The following SPATA13 variants were observed in gnomAD, a reference collection of about 807,000 sequenced individuals.
The protein encoded by SPATA13 is spermatogenesis associated 13, also known as spermatogenesis-associated protein 13.
A neutral mutation model predicts 104.0 loss-of-function variants in SPATA13; 50 were observed. The observed-to-expected ratio is 0.48, with a 90% CI of 0.38 to 0.61. The LOEUF (loss-of-function observed/expected upper bound fraction) is 0.61. Among genes scored for constraint, SPATA13 ranks in the 20% least tolerant of loss-of-function variants. The pLI, the probability that SPATA13 is intolerant of heterozygous loss-of-function variation, is 0.00. For missense variants in SPATA13, 1,524 were observed against 1,690.6 expected, an observed-to-expected ratio of 0.90 and a Z score of 1.73; for synonymous variants, 606 against 667.5, an observed-to-expected ratio of 0.91 and a Z score of 1.42.
chr13:24,271,391 G>A lies in SPATA13; in HGVS notation c.2165-12744G>A, dbSNP rs1360102028. The stretch of plus-strand genomic sequence containing the variant: ...AGAATGTTTCTTGCTAATTGAGGAT[G>A]TGTGAGGTTTAAGGCTGTGAGCTGA... On this transcript the variant is annotated intron_variant, in intron 4 of 12. Coordinates refer to ENST00000382108, the MANE Select transcript of SPATA13 (RefSeq NM_001166271.3). Among the ~76,000 whole-genome samples the A allele has an allele frequency of 8.5e-5, 13 of 152,102 alleles. 1 individual carries two copies. Among genetic ancestry groups the A allele is most frequent in the Non-Finnish European group, 4.4e-5 (3 of 68,030 alleles).
rs759116034 is a variant in SPATA13, at chr13:24,286,500, C to G, written c.2481+107C>G. The G allele has an allele frequency of 2.2e-5, 26 of 1,209,024 alleles. No individual in the cohort carries two copies. The highest frequency in any genetic ancestry group is 2.7e-5 in the Non-Finnish European group (24 of 875,756). 74.9% of individuals were successfully genotyped at this position (1,209,024 alleles called of 1,614,324 possible). ...AGGTCAGCTCTTTTGTAATTGATAT[C>G]TGACATGCAAGTCACACCTGTAAGA... On this transcript the variant is annotated intron_variant, in intron 6 of 12. Transcript: ENST00000382108. This position sits in a 1 kb window ranked among gnomAD's most constrained non-coding sequence, Gnocchi z 4.9.
At chr13:24,123,499 G>A in intron 3 of SPATA13, 2 of 1,607,458 alleles carry the variant, frequency 1.2e-6, no homozygotes, top group Admixed American at 3.3e-5. Context: ...CCAATCATAT[G>A]CAGGGCTCCA....
At chr13:24,120,002 A>T (rs7324841) in intron 3 of SPATA13, among the ~76,000 whole-genome samples, 22,434 of 151,766 alleles carry the variant, frequency 0.15, 2,323 homozygotes, top group East Asian at 0.32. Flanking sequence ...CCCCAGCCCC[A>T]CCCCCACAGA....
At chr13:24,099,619 G>A (rs9551059) in intron 3 of SPATA13, among the ~76,000 whole-genome samples, 4,435 of 152,278 alleles carry the variant, frequency 0.029, 191 homozygotes, top group African/African-American at 0.088. Flanking sequence ...ACAGCCCCCC[G>A]GGTGGTGTTT....
intron 3 of SPATA13, among the ~76,000 whole-genome samples, chr13:24,032,919 G>A (rs936297623): frequency 2.0e-5 from 3 of 152,158 alleles, no homozygotes; most frequent in South Asian, 2.1e-4. Context: ...ATACTGGGGC[G>A]TTTGATAAAG....
At chr13:24,170,630 T>C (rs951036917) in intron 1 of SPATA13, among the ~76,000 whole-genome samples, 2 of 139,292 alleles carry the variant, frequency 1.4e-5, no homozygotes, top group African/African-American at 5.0e-5. Flanking sequence ...TCTGTGTGAA[T>C]TGGAACACCT....
intron 1 of SPATA13, among the ~76,000 whole-genome samples, chr13:24,209,149 A>G (rs962590678): frequency 6.6e-6 from 1 of 152,144 alleles, no homozygotes; most frequent in Non-Finnish European, 1.5e-5. Flanking sequence ...TAGGTGCCCA[A>G]GAACTGTACT....
intron 3 of SPATA13, among the ~76,000 whole-genome samples, chr13:24,062,370 T>TG (rs956186895): frequency 3.3e-5 from 5 of 152,152 alleles, no homozygotes; most frequent in African/African-American, 1.2e-4. Context: ...AGGGACTGAC[T>TG]GGGGGCTGAT....
At position 24,233,991 on chromosome 13, in the gene SPATA13, A is replaced by G. The variant is rs182897046; in HGVS notation, c.1653+9409A>G. Among the ~76,000 whole-genome samples the G allele has an allele frequency of 3.9e-3, 595 of 152,238 alleles. 1 individual carries two copies. Among genetic ancestry groups the G allele is most frequent in the Non-Finnish European group, 6.0e-3 (405 of 68,012 alleles). ...AATTATCGTATACCTGTAGTTTTGA[A>G]CTTTCCAGTGGCTCATTTCTAGAAT... On this transcript the variant is annotated intron_variant, in intron 2 of 12. Coordinates refer to ENST00000382108, the MANE Select transcript of SPATA13 (RefSeq NM_001166271.3).
chr13:24,254,737 G>A (rs371938829), intron 4 of SPATA13, among the ~76,000 whole-genome samples: 8 of 152,272 alleles, frequency 5.3e-5, no homozygotes, highest in African/African-American at 1.9e-4. Context: ...CAGCTTTGTT[G>A]AGGGGAAGGC....
chr13:24,206,725 C>T (rs1045750201), intron 1 of SPATA13, among the ~76,000 whole-genome samples: 1 of 152,072 alleles, frequency 6.6e-6, no homozygotes, highest in African/African-American at 2.4e-5. Context: ...AACCCTGTCT[C>T]TACTAAAAAT....
chr13:24,285,514 C>T (rs546955789), intron 5 of SPATA13, among the ~76,000 whole-genome samples: 2 of 151,746 alleles, frequency 1.3e-5, no homozygotes, highest in South Asian at 4.2e-4. Context: ...TGCCTGCCTT[C>T]CTCCCTCCCT....
In SPATA13 at chr13:24,223,697, C is replaced by G. The variant is rs1421891561; in HGVS notation, c.768C>G (p.Asp256Glu). The change falls in exon 2 of 13, where the codon GAC becomes GAG. Residue 256 changes from aspartate (D) to glutamate (E), a missense_variant. Asp to Glu is a conservative substitution (Grantham distance 45). This residue lies in a region of SPATA13 where 1,089 missense variants were observed against 1,135.9 expected (regional missense o/e 0.96). Transcript: ENST00000382108. ...SMGYRRSKST[D>E]NLAFLKKSSF... is the part of the protein sequence containing the mutation. ...GCTACAGGAGGAGCAAGAGCACGGA[C>G]AATCTTGCCTTTCTGAAGAAGAGCT... 6 of 1,552,094 alleles carry G rather than the reference C, an allele frequency of 3.9e-6. No homozygotes were observed. Among genetic ancestry groups the G allele is most frequent in the Non-Finnish European group, 5.2e-6 (6 of 1,147,110 alleles).
At chr13:24,138,300 C>T (rs187805435) in intron 3 of SPATA13, among the ~76,000 whole-genome samples, 39 of 88,102 alleles carry the variant, frequency 4.4e-4, no homozygotes, top group African/African-American at 1.7e-3. Flanking sequence ...AGCAAGACTC[C>T]GTCTGAAAAA....
At chr13:24,182,918 C>T (rs941922054) in intron 1 of SPATA13, among the ~76,000 whole-genome samples, 11 of 152,262 alleles carry the variant, frequency 7.2e-5, no homozygotes, top group Admixed American at 5.2e-4. Context: ...GGCAGCTCAC[C>T]GAGGGCTCAC....
chr13:24,123,433 T>G lies in SPATA13; in HGVS notation c.-111-99386T>G. ...AGGGGGAGTACATGATTCTGCAACA[T>G]GCATTCCATCTGATCGTTATAGATC... On this transcript the variant is annotated intron_variant, in intron 3 of 14. Transcript: ENST00000424834. 4.2e-6 allele frequency: 6 copies of G among 1,419,128 alleles called. No individual in the cohort carries two copies. The South Asian group carries it at 5.7e-5, about 14-fold the overall frequency. 87.9% of individuals were successfully genotyped at this position (1,419,128 alleles called of 1,614,324 possible).
intron 3 of SPATA13, among the ~76,000 whole-genome samples, chr13:24,046,295 T>G (rs1052301391): frequency 2.6e-4 from 10 of 37,740 alleles, no homozygotes; most frequent in African/African-American, 3.9e-4. Context: ...AGATTTCTTT[T>G]GCCTTTTTTT....
chr13:24,182,296 T>A (rs914036699), intron 1 of SPATA13, among the ~76,000 whole-genome samples: 8 of 152,216 alleles, frequency 5.3e-5, no homozygotes, highest in Admixed American at 2.0e-4. Flanking sequence ...TTGTCTTTTT[T>A]GTTTTGCTAT....
At chr13:24,080,811 G>C (rs1351763617) in intron 3 of SPATA13, among the ~76,000 whole-genome samples, 1 of 152,126 alleles carries the variant, frequency 6.6e-6, no homozygotes, top group African/African-American at 2.4e-5. Flanking sequence ...TATGCCTCGT[G>C]GGCTGTTCTT....
Sources: gnomAD v4.1 joint callset for allele counts (sites outside exome capture counted in the v4.1 genomes callset) on GRCh38, gnomAD v4.1.1 for gene constraint, gnomAD v4.1.1 regional missense constraint, Gnocchi (gnomAD v3.1) non-coding constraint, MANE v1.5 for transcripts, NCBI Gene and HGNC (gene_info 2026-07-23, HGNC 2026-07-21) for gene names.